PHF21B: variants seen among roughly 807,000 people sequenced by gnomAD.
The protein encoded by PHF21B is PHD finger protein 21B.
PHF21B carries 22 observed loss-of-function variants against 62.2 expected under a neutral mutation model. That is an observed-to-expected ratio of 0.35 (90% CI 0.25 to 0.51). The LOEUF is 0.51. PHF21B is among the 20% of genes least tolerant of loss of function. The pLI is 0.97. For missense variants in PHF21B, 701 were observed against 707.9 expected (o/e 0.99, Z 0.11); for synonymous variants, 341 against 314.7 (o/e 1.08, Z -0.88).
intron 2 of PHF21B, among the ~76,000 whole-genome samples, chr22:44,994,959 C>G (rs6007406): frequency 6.6e-6 from 1 of 152,234 alleles, no homozygotes; most frequent in African/African-American, 2.4e-5. Flanking sequence ...CAGCTCAGGC[C>G]GAGAGGCCGC....
chr22:44,944,157 C>G (rs563477409), intron 2 of PHF21B, among the ~76,000 whole-genome samples: 1 of 152,204 alleles, frequency 6.6e-6, no homozygotes, highest in Non-Finnish European at 1.5e-5. Flanking sequence ...AAGGACTGTG[C>G]GCCCAGCATC....
intron 2 of PHF21B, chr22:44,933,461 C>A: frequency 1.0e-6 from 1 of 985,514 alleles, no homozygotes; most frequent in Non-Finnish European, 1.2e-6. Flanking sequence ...CAAGTGTTCA[C>A]TGCACACCTA....
rs563969323 is a variant in PHF21B, at chr22:44,978,541, T to C, written c.120+30004A>G. On this transcript the variant is annotated intron_variant, in intron 2 of 12. Coordinates refer to ENST00000313237, the MANE Select transcript of PHF21B (RefSeq NM_138415.5). ...CACCTGGCTAATTTTTGTATTTTCA[T>C]AGAGACAGGGTTTCTCCATGTTGGT... Among the ~76,000 whole-genome samples, 11 of 152,282 alleles carry C rather than the reference T, an allele frequency of 7.2e-5. No individual in the cohort carries two copies. The East Asian group carries it at 7.7e-4, about 11-fold the overall frequency.
chr22:44,992,913 T>A (rs1363741604), intron 2 of PHF21B, among the ~76,000 whole-genome samples: 1 of 152,168 alleles, frequency 6.6e-6, no homozygotes, highest in Admixed American at 6.5e-5. Flanking sequence ...AAGCAGGCAG[T>A]AGAGCCTCGT....
chr22:44,903,769 G>T (rs1470557226), intron 5 of PHF21B, among the ~76,000 whole-genome samples: 2 of 152,160 alleles, frequency 1.3e-5, no homozygotes, highest in Admixed American at 6.5e-5. Flanking sequence ...AAATTATCTT[G>T]ATGGATGTAC....
chr22:44,934,014 T>C (rs900383543), intron 2 of PHF21B, among the ~76,000 whole-genome samples: 1 of 152,168 alleles, frequency 6.6e-6, no homozygotes, highest in African/African-American at 2.4e-5. Context: ...TGGTGAAAAC[T>C]AACAAGAAAA....
At chr22:44,964,353 GC>G (rs1367726529) in intron 2 of PHF21B, among the ~76,000 whole-genome samples, 1 of 152,084 alleles carries the variant, frequency 6.6e-6, no homozygotes, top group Non-Finnish European at 1.5e-5. Context: ...ATGGGACTTC[GC>G]GTGGTGCACC....
In PHF21B at chr22:45,009,202, C is replaced by A; in HGVS notation, c.54+294G>T. ...CCCCGGGACCGGCTCACGAAGGGGC[C>A]CCCTCCAGGCACCCTCCCAGTCATG... On this transcript the variant is annotated intron_variant, in intron 1 of 12. Coordinates refer to ENST00000313237, the MANE Select transcript of PHF21B (RefSeq NM_138415.5). The surrounding 1 kb of genome is among the most constrained non-coding windows in gnomAD (Gnocchi z 5.9). 1 of 414,512 alleles carries A rather than the reference C, an allele frequency of 2.4e-6. No homozygotes were observed. Among genetic ancestry groups the A allele is most frequent in the Non-Finnish European group, 4.1e-6 (1 of 245,544 alleles). The allele number at this position is 414,512 out of a possible 1,614,324, so 25.7% of individuals were successfully genotyped here. A position where few individuals can be genotyped will look rare whatever the true frequency, so the allele number is the denominator to read the frequency against.
intron 2 of PHF21B, among the ~76,000 whole-genome samples, chr22:44,939,389 C>T (rs1454019620): frequency 6.6e-6 from 1 of 152,210 alleles, no homozygotes; most frequent in South Asian, 2.1e-4. Context: ...CCACCTGAGG[C>T]CTTACCTGTC....
chr22:44,888,669 T>C (rs74548394), intron 9 of PHF21B, among the ~76,000 whole-genome samples: 7,409 of 152,184 alleles, frequency 0.049, 282 homozygotes, highest in African/African-American at 0.11. Context: ...AACTTCAGAG[T>C]TGGAAAAGAC....
At chr22:44,917,007 T>C (rs185435801) in intron 3 of PHF21B, among the ~76,000 whole-genome samples, 5 of 152,334 alleles carry the variant, frequency 3.3e-5, no homozygotes, top group Admixed American at 3.3e-4. Context: ...CTTGGAAGTC[T>C]GGAAAGCGCT....
At chr22:44,997,870 C>T (rs1469537617) in intron 2 of PHF21B, among the ~76,000 whole-genome samples, 1 of 152,234 alleles carries the variant, frequency 6.6e-6, no homozygotes, top group Non-Finnish European at 1.5e-5. Context: ...CCTCTGCTGC[C>T]GCTTCGCATA....
Position 44,993,100 on chromosome 22 carries a change from G to A in PHF21B, c.120+15445C>T, listed in dbSNP as rs73429708. Reference sequence around the variant, plus strand: ...GGCATCAGGTACAGGGAGAAGCCACGTGAACCTGAAATGCCACATCCATGT... The same window carrying A: ...GGCATCAGGTACAGGGAGAAGCCACATGAACCTGAAATGCCACATCCATGT... On this transcript the variant is annotated intron_variant, in intron 2 of 12. Coordinates refer to ENST00000313237, the MANE Select transcript of PHF21B (RefSeq NM_138415.5). Among the ~76,000 whole-genome samples, 1,257 of 152,260 alleles carry A rather than the reference G, an allele frequency of 8.3e-3. 20 individuals are homozygous for A. The highest frequency in any genetic ancestry group is 0.029 in the African/African-American group (1,215 of 41,544).
At chr22:44,947,635 C>T (rs1263100092) in intron 2 of PHF21B, among the ~76,000 whole-genome samples, 1 of 152,224 alleles carries the variant, frequency 6.6e-6, no homozygotes, top group Admixed American at 6.5e-5. Flanking sequence ...ACCTTCCACG[C>T]GGACCCTGTG....
chr22:44,938,967 G>C (rs556968932), intron 2 of PHF21B, among the ~76,000 whole-genome samples: 27 of 152,344 alleles, frequency 1.8e-4, no homozygotes, highest in Non-Finnish European at 4.4e-5. Context: ...GTTGAGGACT[G>C]AAAAAGACCA....
chr22:44,896,442 C>G (rs958995015), intron 5 of PHF21B, among the ~76,000 whole-genome samples: 2 of 151,916 alleles, frequency 1.3e-5, no homozygotes, highest in African/African-American at 4.8e-5. Context: ...AAATAGGATT[C>G]CCAAAGAAAG....
intron 5 of PHF21B, among the ~76,000 whole-genome samples, chr22:44,900,135 T>C (rs898067616): frequency 6.6e-6 from 1 of 152,172 alleles, no homozygotes; most frequent in African/African-American, 2.4e-5. Flanking sequence ...ACATGAATCT[T>C]TTATATATTA....
intron 2 of PHF21B, among the ~76,000 whole-genome samples, chr22:44,955,711 C>T (rs1190280732): frequency 2.0e-5 from 3 of 152,186 alleles, no homozygotes; most frequent in Non-Finnish European, 2.9e-5. Context: ...AATGACAGCA[C>T]CGGCGTTCCA....
chr22:44,955,273 C>A (rs2072273423), intron 2 of PHF21B, among the ~76,000 whole-genome samples: 1 of 152,194 alleles, frequency 6.6e-6, no homozygotes, highest in South Asian at 2.1e-4. Flanking sequence ...GCCCCCTGAG[C>A]CTCTCTGGGC....
Sources: allele counts gnomAD v4.1 joint callset (sites outside exome capture counted in the v4.1 genomes callset), GRCh38; gene constraint gnomAD v4.1.1; non-coding constraint Gnocchi (gnomAD v3.1); transcripts MANE v1.5; gene names NCBI Gene and HGNC (gene_info 2026-07-23, HGNC 2026-07-21).